ASIC3: variants seen among roughly 807,000 people sequenced by gnomAD.
ASIC3 encodes the protein acid sensing ion channel subunit 3.
ASIC3 carries 46 observed loss-of-function variants against 58.6 expected under a neutral mutation model. The ratio of observed to expected loss-of-function variants is 0.79; its 90% CI spans 0.62 to 1.00. ASIC3 has a LOEUF of 1.00. Among genes scored for constraint, ASIC3 ranks in the 50% least tolerant of loss-of-function variants. The pLI is 0.00. For missense variants in ASIC3, 770 were observed against 735.0 expected (o/e 1.05, Z -0.55); for synonymous variants, 336 against 300.2 (o/e 1.12, Z -1.23).
rs560534800 is a variant in ASIC3 at position 151,049,266 on chromosome 7, C to A, written c.381C>A (p.Arg127=). Residue 127 remains arginine, a synonymous_variant, in exon 1 of 11, where the codon CGC becomes CGA. Coordinates refer to ENST00000349064, the MANE Select transcript of ASIC3 (RefSeq NM_004769.4). ...LDPAEHAAFL[R]ALGRPPAPPG... is the part of the protein sequence containing the mutation. Reference sequence around the variant, plus strand: ...CCGCAGAGCACGCCGCCTTCCTGCGCGCCCTGGGCCGGCCCCCTGCACCGC... The same window carrying A: ...CCGCAGAGCACGCCGCCTTCCTGCGAGCCCTGGGCCGGCCCCCTGCACCGC... 2 of 1,612,184 alleles carry A rather than the reference C, an allele frequency of 1.2e-6. No individual in the cohort carries two copies. Among genetic ancestry groups the A allele is most frequent in the Admixed American group, 3.3e-5 (2 of 59,992 alleles).
chr7:151,049,111 C>T lies in ASIC3; in HGVS notation c.226C>T (p.Leu76=). 1 of 1,613,916 alleles carries T rather than the reference C, an allele frequency of 6.2e-7. No homozygotes were observed. The highest frequency in any genetic ancestry group is 8.5e-7 in the Non-Finnish European group (1 of 1,179,924). Reference sequence around the variant, plus strand: ...CAGGGAGTTCCACCACCAGACTGCCCTGGATGAGCGAGAAAGCCACCGGCT... The same window carrying T: ...CAGGGAGTTCCACCACCAGACTGCCTTGGATGAGCGAGAAAGCCACCGGCT... ...YYREFHHQTA[L]DERESHRLIF... is the part of the protein sequence containing the mutation. The change falls in exon 1 of 11, where the codon CTG becomes TTG. Residue 76 remains leucine (L), a synonymous_variant. Transcript: ENST00000349064.
Position 151,052,712 on chromosome 7 carries a change from G to A in ASIC3, c.*60G>A, listed in dbSNP as rs777507436. 18 of 1,614,054 alleles carry A rather than the reference G, an allele frequency of 1.1e-5. No individual in the cohort carries two copies. Among genetic ancestry groups the A allele is most frequent in the South Asian group, 6.6e-5 (6 of 91,092 alleles). On this transcript the variant is annotated 3_prime_UTR_variant, in exon 11 of 11. Transcript: ENST00000349064. The surrounding 1 kb of genome is among the most constrained non-coding windows in gnomAD (Gnocchi z 5.0). ...CATCCTGGACATGCCTAGCCTGCAC[G>A]TAGCTTTTCCGTCTTCACCCCAAAT...
chr7:151,049,562 C>G (rs1180072796), intron 1 of ASIC3, 143 bp downstream of exon 1: 4 of 1,002,246 alleles, frequency 4.0e-6, no homozygotes, highest in Non-Finnish European at 5.7e-6. Flanking sequence ...CTCCCCACCC[C>G]CCAGTGCCAC....
rs1796732576 is a variant in ASIC3 at position 151,050,141 on chromosome 7, C to T, written c.570C>T (p.Asn190=). 1.9e-6 allele frequency: 3 copies of T among 1,614,090 alleles called. No homozygotes were observed. Among genetic ancestry groups the T allele is most frequent in the Non-Finnish European group, 2.5e-6 (3 of 1,180,046 alleles). The part of the protein sequence containing the change: ...FTRMGKCYTF[N]SGADGAELLT... ...GGATGGGAAAGTGCTACACATTTAA[C>T]TCTGGCGCTGATGGGGCAGAGCTGC... is the stretch of plus-strand genomic sequence containing the variant. Residue 190 remains asparagine, a synonymous_variant, in exon 2 of 11, where the codon AAC becomes AAT. Transcript: ENST00000349064.
rs772569026 is a variant in ASIC3, at chr7:151,052,166, G to C, written c.1387G>C (p.Val463Leu). The C allele has an allele frequency of 6.2e-7, 1 of 1,613,994 alleles. No homozygotes were observed. Among genetic ancestry groups the C allele is most frequent in the Non-Finnish European group, 8.5e-7 (1 of 1,179,970 alleles). The change falls in exon 9 of 11, where the codon GTG (valine) becomes CTG (leucine). Residue 463 changes from valine to leucine, a missense_variant and splice_region_variant. Val to Leu is a conservative substitution (Grantham distance 32, BLOSUM62 1). Transcript: ENST00000349064. This position sits in a 1 kb window ranked among gnomAD's most constrained non-coding sequence, Gnocchi z 5.0. Reference sequence around the variant, plus strand: ...CACCTCCCATCCTGCTTGCCTCCAGGTGTTCCGAGACAAGGTCCTGGGATA... The same window carrying C: ...CACCTCCCATCCTGCTTGCCTCCAGCTGTTCCGAGACAAGGTCCTGGGATA... Reference protein sequence around the residue: ...ILEILDYLCEVFRDKVLGYFW... With the variant: ...ILEILDYLCELFRDKVLGYFW...
intron 1 of ASIC3, among the ~76,000 whole-genome samples, chr7:151,049,804 G>T (rs907348975): frequency 6.6e-6 from 1 of 152,140 alleles, no homozygotes; most frequent in Admixed American, 6.5e-5. Flanking sequence ...TCAACATACT[G>T]CCAGCCCCGG....
In ASIC3 at chr7:151,052,016, G is replaced by C. The variant is rs749910921; in HGVS notation, c.1340G>C (p.Gly447Ala). Reference protein sequence around the residue: ...DIGGQMGLFIGASLLTILEIL... With the variant: ...DIGGQMGLFIAASLLTILEIL... ...GGGGGCCAGATGGGGCTGTTCATCG[G>C]GGCCAGCCTGCTCACCATCCTCGAG... Residue 447 changes from glycine (G) to alanine (A), a missense_variant, in exon 8 of 11, where the codon GGG becomes GCG. Transcript: ENST00000349064. The surrounding 1 kb of genome is among the most constrained non-coding windows in gnomAD (Gnocchi z 5.0). The C allele has an allele frequency of 8.7e-6, 14 of 1,613,668 alleles. No individual in the cohort carries two copies. The South Asian group carries it at 8.8e-5, about 10-fold the overall frequency.
In ASIC3 at chr7:151,052,167, T is replaced by C; in HGVS notation, c.1388T>C (p.Val463Ala). 1 of 1,613,978 alleles carries C rather than the reference T, an allele frequency of 6.2e-7. No homozygotes were observed. Among genetic ancestry groups the C allele is most frequent in the Non-Finnish European group, 8.5e-7 (1 of 1,179,956 alleles). Reference protein sequence around the residue: ...ILEILDYLCEVFRDKVLGYFW... With the variant: ...ILEILDYLCEAFRDKVLGYFW... ...ACCTCCCATCCTGCTTGCCTCCAGG[T>C]GTTCCGAGACAAGGTCCTGGGATAT... is the stretch of plus-strand genomic sequence containing the variant. Residue 463 changes from valine to alanine, a missense_variant and splice_region_variant, in exon 9 of 11, where the codon GTG becomes GCG. Physicochemically the swap from Val to Ala is moderately conservative, Grantham distance 64. Transcript: ENST00000349064. This position sits in a 1 kb window ranked among gnomAD's most constrained non-coding sequence, Gnocchi z 5.0.
In ASIC3 at chr7:151,050,518, C is replaced by A. The variant is rs1796741826; in HGVS notation, c.723C>A (p.Ile241=). The stretch of plus-strand genomic sequence containing the variant: ...TTGAGGTGGGGATCCGAGTGCAGAT[C>A]CACAGCCAGGAGGAGCCGCCCATCA... ...TPFEVGIRVQ[I]HSQEEPPIID... Residue 241 remains isoleucine (I), a synonymous_variant, in exon 3 of 11, where the codon ATC becomes ATA. Coordinates refer to ENST00000349064, the MANE Select transcript of ASIC3 (RefSeq NM_004769.4). The A allele has an allele frequency of 1.9e-6, 3 of 1,613,920 alleles. No homozygotes were observed. Among genetic ancestry groups the A allele is most frequent in the Admixed American group, 3.3e-5 (2 of 60,004 alleles).
chr7:151,049,332 C>G lies in ASIC3; in HGVS notation c.447C>G (p.Leu149=). The G allele has an allele frequency of 6.2e-7, 1 of 1,613,202 alleles. No individual in the cohort carries two copies. Among genetic ancestry groups the G allele is most frequent in the Non-Finnish European group, 8.5e-7 (1 of 1,179,970 alleles). ...GTCCCACCTTTGACATGGCGCAACT[C>G]TATGCCCGTGCTGGGCACTCCCTGG... The part of the protein sequence containing the change: ...MPSPTFDMAQ[L]YARAGHSLDD... Residue 149 remains leucine (L), a synonymous_variant, in exon 1 of 11, where the codon CTC becomes CTG. Transcript: ENST00000349064.
intron 2 of ASIC3, 60 bp from the exon 3 acceptor site, chr7:151,050,421 G>C: frequency 6.3e-7 from 1 of 1,597,376 alleles, no homozygotes; most frequent in African/African-American, 1.3e-5. Context: ...GAGAGGTCTT[G>C]TCTGGTTGGG....
intron 7 of ASIC3, 25 bp downstream of exon 7, chr7:151,051,926 T>C (rs1563322114): frequency 6.2e-7 from 1 of 1,612,030 alleles, no homozygotes; most frequent in Admixed American, 1.7e-5. Context: ...CCCCCAGGGC[T>C]GGGGGGGTGT....
chr7:151,048,933 C>A lies in ASIC3; in HGVS notation c.48C>A (p.Asp16Glu). 6.3e-7 allele frequency: 1 copy of A among 1,574,990 alleles called. No individual in the cohort carries two copies. The highest frequency in any genetic ancestry group is 1.2e-5 in the South Asian group (1 of 84,764). The change falls in exon 1 of 11, where the codon GAC (aspartate) becomes GAA (glutamate). Residue 16 changes from aspartate to glutamate, a missense_variant. Physicochemically the swap from Asp to Glu is conservative, Grantham distance 45. Coordinates refer to ENST00000349064, the MANE Select transcript of ASIC3 (RefSeq NM_004769.4). ...AGGAGGCCCGGCGGCCAGCCTCGGA[C>A]ATCCGCGTGTTCGCCAGCAACTGCT... is the stretch of plus-strand genomic sequence containing the variant. ...GPEEARRPASDIRVFASNCSM... is the reference protein window; with the variant it reads ...GPEEARRPASEIRVFASNCSM...
Position 151,048,979 on chromosome 7 carries a change from GTC to G in ASIC3, c.96_97del (p.Phe33ArgfsTer29), listed in dbSNP as rs1244355640. ...CTGCTCGATGCACGGGCTGGGCCACGTCTTCGGGCCAGGCAGCCTGAGCCTGC... is the reference window on the plus strand; with the variant it reads ...CTGCTCGATGCACGGGCTGGGCCACGTTCGGGCCAGGCAGCCTGAGCCTGC... ...SNCSMHGLGH[V>X]FGPGSLSLRR... is the part of the protein sequence containing the mutation. On this transcript the variant is annotated frameshift_variant, in exon 1 of 11. Transcript: ENST00000349064. LOFTEE classifies it high-confidence loss of function. The G allele has an allele frequency of 1.9e-6, 3 of 1,607,708 alleles. No homozygotes were observed. Among genetic ancestry groups the G allele is most frequent in the Non-Finnish European group, 2.6e-6 (3 of 1,175,604 alleles).
Position 151,051,187 on chromosome 7 carries a change from A to G in ASIC3, c.1082A>G (p.Lys361Arg), listed in dbSNP as rs747509313. The change falls in exon 6 of 11, where the codon AAG becomes AGG. Residue 361 changes from lysine to arginine, a missense_variant. By Grantham distance (26) the Lys-to-Arg change is conservative. Transcript: ENST00000349064. ...AHPAIDAMLR[K>R]DSCACPNPCA... ...TGGCCCGCAGATGCCATGCTTCGCA[A>G]GGACTCGTGCGCCTGCCCCAACCCG... 1 of 1,592,494 alleles carries G rather than the reference A, an allele frequency of 6.3e-7. No individual in the cohort carries two copies. The highest frequency in any genetic ancestry group is 8.5e-7 in the Non-Finnish European group (1 of 1,174,738).
intron 1 of ASIC3, 70 bp from the exon 2 acceptor site, chr7:151,050,033 TGAG>T: frequency 2.5e-6 from 4 of 1,591,554 alleles, no homozygotes; most frequent in Non-Finnish European, 3.4e-6. Context: ...AAACATACCA[TGAG>T]GTGGGGAGAG....
intron 1 of ASIC3, 175 bp from the exon 2 acceptor site, chr7:151,049,931 T>TG (rs977237908): frequency 2.6e-6 from 2 of 781,214 alleles, no homozygotes; most frequent in African/African-American, 3.4e-5. Flanking sequence ...GCTGAGTTGA[T>TG]GGGCTCCCAA....
chr7:151,050,459 C>T (rs1310929270), intron 2 of ASIC3, 22 bp from the exon 3 acceptor site: 2 of 1,612,090 alleles, frequency 1.2e-6, no homozygotes, highest in Admixed American at 3.3e-5. Flanking sequence ...CAGGTCAGGC[C>T]TCACAGGTCC....
chr7:151,048,884 C>T lies in ASIC3; in HGVS notation c.-2C>T. The T allele has an allele frequency of 1.9e-6, 3 of 1,543,248 alleles. No individual in the cohort carries two copies. The highest frequency in any genetic ancestry group is 1.2e-5 in the South Asian group (1 of 80,670). ...AGCTGGTTCCGCTCCTGGGTTCTGG[C>T]CATGAAGCCCACCTCAGGCCCAGAG... On this transcript the variant is annotated 5_prime_UTR_variant, in exon 1 of 11. Coordinates refer to ENST00000349064, the MANE Select transcript of ASIC3 (RefSeq NM_004769.4).
Sources: gnomAD v4.1 joint callset for allele counts (sites outside exome capture counted in the v4.1 genomes callset) on GRCh38, gnomAD v4.1.1 for gene constraint, Gnocchi (gnomAD v3.1) non-coding constraint, MANE v1.5 for transcripts, NCBI Gene and HGNC (gene_info 2026-07-23, HGNC 2026-07-21) for gene names.